The following TMPRSS15 variants were observed in gnomAD, a reference collection of about 807,000 sequenced individuals.
TMPRSS15 encodes transmembrane serine protease 15, also known as enteropeptidase.
TMPRSS15 carries 128 observed loss-of-function variants against 125.3 expected under a neutral mutation model. The observed-to-expected ratio is 1.02, with a 90% CI of 0.89 to 1.18. TMPRSS15 has a LOEUF of 1.18. Among genes scored for constraint, TMPRSS15 ranks in the 50% most tolerant of loss-of-function variants. The pLI, the probability that TMPRSS15 is intolerant of heterozygous loss-of-function variation, is 0.00. For synonymous variants in TMPRSS15, 446 were observed against 423.2 expected (o/e 1.05, Z -0.66); for missense variants, 1,283 against 1,212.7 (o/e 1.06, Z -0.86).
chr21:18,297,837 A>C lies in TMPRSS15; in HGVS notation c.2166-8T>G. The C allele has an allele frequency of 6.3e-7, 1 of 1,584,662 alleles. No individual in the cohort carries two copies. The highest frequency in any genetic ancestry group is 1.7e-4 in the Middle Eastern group (1 of 6,014). On this transcript the variant is annotated splice_polypyrimidine_tract_variant and splice_region_variant and intron_variant, in intron 18 of 24. Transcript: ENST00000284885. ...TTTGATGAGTTTCCACTCCTAGAGA[A>C]AAAAGAAAAAAGCATACAGACAAAA... is the stretch of plus-strand genomic sequence containing the variant.
At chr21:18,417,592 A>G (rs966443012) in intron 1 of TMPRSS15, among the ~76,000 whole-genome samples, 4 of 152,206 alleles carry the variant, frequency 2.6e-5, no homozygotes, top group Non-Finnish European at 4.4e-5. Context: ...GTGTGCTCAC[A>G]ATTTAATTAA....
chr21:18,308,384 C>G (rs7283015), intron 18 of TMPRSS15, among the ~76,000 whole-genome samples: 72,553 of 150,794 alleles, frequency 0.48, 18,462 homozygotes, highest in East Asian at 0.89. Context: ...ATTACACACA[C>G]ACACACACAC....
rs2075478930 is a variant in TMPRSS15 at position 18,344,022 on chromosome 21, G to T, written c.1210C>A (p.Gln404Lys). ...AGGCTTAAAAGCCCCACTCGTTCTT[G>T]TCTCCCTCCTGGTCCAGTTGGGGTA... ...ISTPTGPGGRQERVGLLSLPL... is the reference protein window; with the variant it reads ...ISTPTGPGGRKERVGLLSLPL... The change falls in exon 11 of 25, where the codon CAA becomes AAA. Residue 404 changes from glutamine to lysine, a missense_variant. Physicochemically the swap from Gln to Lys is moderately conservative, Grantham distance 53 (BLOSUM62 1). Transcript: ENST00000284885. 2 of 1,613,860 alleles carry T rather than the reference G, an allele frequency of 1.2e-6. No homozygotes were observed. The highest frequency in any genetic ancestry group is 1.1e-5 in the South Asian group (1 of 91,082).
chr21:18,404,216 T>A (rs2076128837), upstream of TMPRSS15, among the ~76,000 whole-genome samples: 1 of 152,190 alleles, frequency 6.6e-6, no homozygotes, highest in Non-Finnish European at 1.5e-5. Flanking sequence ...CAATCAAAAG[T>A]GTTGCAAACT....
At chr21:18,340,148 G>A (rs1210520720) in intron 13 of TMPRSS15, among the ~76,000 whole-genome samples, 2 of 152,192 alleles carry the variant, frequency 1.3e-5, no homozygotes, top group African/African-American at 4.8e-5. Context: ...TAACATTTGA[G>A]TCAGGGGACT....
At chr21:18,304,749 T>C (rs1208171880) in intron 18 of TMPRSS15, among the ~76,000 whole-genome samples, 1 of 152,204 alleles carries the variant, frequency 6.6e-6, no homozygotes, top group African/African-American at 2.4e-5. Flanking sequence ...TTATTAAATA[T>C]GTTAATAAAG....
At chr21:18,322,127 T>C (rs2146954376) in intron 16 of TMPRSS15, among the ~76,000 whole-genome samples, 1 of 152,354 alleles carries the variant, frequency 6.6e-6, no homozygotes, top group South Asian at 2.1e-4. Context: ...TTTTTGAGTT[T>C]GATCTTGAAT....
rs570508895 is a variant in TMPRSS15 at position 18,433,895 on chromosome 21, T to C, written c.11-35566A>G. On this transcript the variant is annotated intron_variant, in intron 1 of 7. Transcript: ENST00000422787. ...AAGTTGAAAAATATCTGTCCTTCAGTTTCTGGAATTTGTCCAGTTTGTTTT... is the reference window on the plus strand; with the variant it reads ...AAGTTGAAAAATATCTGTCCTTCAGCTTCTGGAATTTGTCCAGTTTGTTTT... Among the ~76,000 whole-genome samples, 6 of 152,240 alleles carry C rather than the reference T, an allele frequency of 3.9e-5. No individual in the cohort carries two copies. In the East Asian group the frequency reaches 1.2e-3, roughly 29 times the overall value.
At chr21:18,448,869 G>A (rs1411393491) in intron 1 of TMPRSS15, among the ~76,000 whole-genome samples, 1 of 152,020 alleles carries the variant, frequency 6.6e-6, no homozygotes, top group Non-Finnish European at 1.5e-5. Context: ...TAAAAATAAT[G>A]ATAAACTATT....
At chr21:18,438,642 C>G (rs949246848) in intron 1 of TMPRSS15, among the ~76,000 whole-genome samples, 2 of 152,166 alleles carry the variant, frequency 1.3e-5, no homozygotes, top group African/African-American at 4.8e-5. Context: ...ACCGTCTCAT[C>G]ATTTCACAGT....
In TMPRSS15 at chr21:18,329,156, A is replaced by G; in HGVS notation, c.1780+13T>C. 6.2e-7 allele frequency: 1 copy of G among 1,612,124 alleles called. No individual in the cohort carries two copies. Among genetic ancestry groups the G allele is most frequent in the East Asian group, 2.2e-5 (1 of 44,664 alleles). On this transcript the variant is annotated intron_variant, in intron 15 of 24. Coordinates refer to ENST00000284885, the MANE Select transcript of TMPRSS15 (RefSeq NM_002772.3). ...GCTTTACAACCTTTACAATATTCAG[A>G]TTGCAGACTTACCTAAGAGCAAGGA... is the stretch of plus-strand genomic sequence containing the variant.
At chr21:18,400,398 A>G (rs1203578878) in intron 1 of TMPRSS15, among the ~76,000 whole-genome samples, 1 of 152,134 alleles carries the variant, frequency 6.6e-6, no homozygotes, top group African/African-American at 2.4e-5. Context: ...ATGAAACAGA[A>G]TAGAGAACCC....
intron 7 of TMPRSS15, among the ~76,000 whole-genome samples, chr21:18,364,698 T>C (rs1408196686): frequency 1.3e-5 from 2 of 152,190 alleles, no homozygotes; most frequent in South Asian, 2.1e-4. Flanking sequence ...AAGACATGTA[T>C]AGAGGCTGTT....
intron 21 of TMPRSS15, among the ~76,000 whole-genome samples, chr21:18,290,857 TAGAAAG>T (rs1568986419): frequency 6.6e-6 from 1 of 152,092 alleles, no homozygotes; most frequent in Non-Finnish European, 1.5e-5. Context: ...TCTCCTGACT[TAGAAAG>T]AGATGATAAT....
intron 3 of TMPRSS15, among the ~76,000 whole-genome samples, chr21:18,395,278 C>A (rs2076024476): frequency 6.6e-6 from 1 of 152,148 alleles, no homozygotes; most frequent in Admixed American, 6.6e-5. Context: ...GTCTTGAGTA[C>A]TTTTTTAATA....
intron 1 of TMPRSS15, among the ~76,000 whole-genome samples, chr21:18,413,362 T>TCC (rs71191405): frequency 3.8e-3 from 308 of 81,852 alleles, no homozygotes; most frequent in African/African-American, 0.011. Context: ...CTTCCTTCCT[T>TCC]TCCTTCCTTC....
At chr21:18,390,395 G>A (rs953756403) in intron 3 of TMPRSS15, among the ~76,000 whole-genome samples, 12 of 152,094 alleles carry the variant, frequency 7.9e-5, no homozygotes, top group African/African-American at 2.4e-4. Flanking sequence ...ATGAAAAAAT[G>A]ATAACCTCTA....
At chr21:18,335,416 T>C (rs947513237) in intron 13 of TMPRSS15, among the ~76,000 whole-genome samples, 1 of 152,218 alleles carries the variant, frequency 6.6e-6, no homozygotes, top group Non-Finnish European at 1.5e-5. Context: ...TTTGACATAA[T>C]TGAACACTTA....
At chr21:18,277,585 TAC>T (rs929156458) in intron 23 of TMPRSS15, among the ~76,000 whole-genome samples, 9 of 152,232 alleles carry the variant, frequency 5.9e-5, no homozygotes, top group African/African-American at 2.2e-4. Context: ...TTTTCAGCAA[TAC>T]AGTGTCATTG....
Sources: gnomAD v4.1 joint callset for allele counts (sites outside exome capture counted in the v4.1 genomes callset) on GRCh38, gnomAD v4.1.1 for gene constraint, MANE v1.5 for transcripts, NCBI Gene and HGNC (gene_info 2026-07-23, HGNC 2026-07-21) for gene names.